Variants in GPR137C observed in about 807,000 individuals in gnomAD.
The protein encoded by GPR137C is G protein-coupled receptor 137C, also known as integral membrane protein GPR137C.
GPR137C carries 27 observed loss-of-function variants against 43.4 expected under a neutral mutation model. The ratio of observed to expected loss-of-function variants is 0.62; its 90% confidence interval spans 0.46 to 0.86. The LOEUF is 0.86. GPR137C is among the 40% of genes least tolerant of loss of function. The pLI, the probability that GPR137C is intolerant of heterozygous loss-of-function variation, is 0.00. For synonymous variants in GPR137C, 285 were observed against 226.9 expected, an observed-to-expected ratio of 1.26 and a Z score of -2.30; for missense variants, 522 against 534.6, an observed-to-expected ratio of 0.98 and a Z score of 0.23.
intron 3 of GPR137C, chr14:52,611,443 CTATT>C (rs1186678562): frequency 4.7e-6 from 1 of 213,814 alleles, no homozygotes; most frequent in East Asian, 1.8e-4. Flanking sequence ...TTTTCCTTTT[CTATT>C]TATTATACAA....
intron 3 of GPR137C, among the ~76,000 whole-genome samples, chr14:52,628,646 A>C (rs963091865): frequency 6.6e-6 from 1 of 151,946 alleles, no homozygotes; most frequent in South Asian, 2.1e-4. Flanking sequence ...AAATACAAAA[A>C]TTTGCCAGGT....
At chr14:52,564,156 T>A (rs2038329463) in intron 1 of GPR137C, among the ~76,000 whole-genome samples, 1 of 151,778 alleles carries the variant, frequency 6.6e-6, no homozygotes, top group African/African-American at 2.4e-5. Context: ...ACACCTCTAG[T>A]CTCAGCTACT....
intron 1 of GPR137C, among the ~76,000 whole-genome samples, chr14:52,577,056 G>GGTGCACAC (rs59291339): frequency 6.6e-6 from 1 of 151,110 alleles, no homozygotes; most frequent in Non-Finnish European, 1.5e-5. Context: ...CAGGCGTGGT[G>GGTGCACAC]CTGTAGTCCC....
At chr14:52,630,020 G>C (rs2039276491) in intron 3 of GPR137C, among the ~76,000 whole-genome samples, 1 of 152,092 alleles carries the variant, frequency 6.6e-6, no homozygotes, top group Admixed American at 6.5e-5. Context: ...ATTTTAGGAA[G>C]GTTTTCTTCG....
chr14:52,612,139 A>AT (rs2039045008), intron 3 of GPR137C: 1 of 983,240 alleles, frequency 1.0e-6, no homozygotes, highest in Non-Finnish European at 1.2e-6. Flanking sequence ...CTAAAAATGT[A>AT]TTTTTTCTGA....
rs148828805 is a variant in GPR137C, at chr14:52,610,831, C to T, written c.717+10490C>T. On this transcript the variant is annotated intron_variant, in intron 3 of 6. Coordinates refer to ENST00000321662, the MANE Select transcript of GPR137C (RefSeq NM_001099652.2). ...TTGAACCAATAAACATGCCCAAGTTCACATAGTTGAACCAGGATTCAAACT... is the reference window on the plus strand; with the variant it reads ...TTGAACCAATAAACATGCCCAAGTTTACATAGTTGAACCAGGATTCAAACT... Among the ~76,000 whole-genome samples the T allele has an allele frequency of 2.5e-3, 383 of 152,326 alleles. 2 individuals are homozygous for T. The highest frequency in any genetic ancestry group is 8.6e-3 in the African/African-American group (359 of 41,580).
At chr14:52,581,366 C>T (rs1326708560) in intron 1 of GPR137C, among the ~76,000 whole-genome samples, 1 of 133,642 alleles carries the variant, frequency 7.5e-6, no homozygotes, top group Non-Finnish European at 1.6e-5. Context: ...GATGCCTTCT[C>T]TACTAAAAAA....
At position 52,617,716 on chromosome 14, in the gene GPR137C, G is replaced by A. The variant is rs185961617; in HGVS notation, c.718-14444G>A. Among the ~76,000 whole-genome samples, 20 of 152,104 alleles carry A rather than the reference G, an allele frequency of 1.3e-4. No homozygotes were observed. In the East Asian group the frequency reaches 3.7e-3, roughly 28 times the overall value. Reference sequence around the variant, plus strand: ...AAACAAACAAAAAGATGGAAATTTAGGATCAGAGAGATAAGGATGTAAATC... The same window carrying A: ...AAACAAACAAAAAGATGGAAATTTAAGATCAGAGAGATAAGGATGTAAATC... On this transcript the variant is annotated intron_variant, in intron 3 of 6. Coordinates refer to ENST00000321662, the MANE Select transcript of GPR137C (RefSeq NM_001099652.2).
chr14:52,576,294 A>G (rs890689736), intron 1 of GPR137C, among the ~76,000 whole-genome samples: 3 of 152,208 alleles, frequency 2.0e-5, no homozygotes, highest in Non-Finnish European at 4.4e-5. Flanking sequence ...GTTGCAATTG[A>G]TAGAATTTCA....
intron 1 of GPR137C, 57 bp downstream of exon 1, chr14:52,553,648 C>A (rs2038136195): frequency 4.5e-6 from 6 of 1,330,076 alleles, no homozygotes; most frequent in Non-Finnish European, 6.1e-6. Flanking sequence ...CCGCCGGGAT[C>A]AACTCCCGCT....
chr14:52,619,013 C>A (rs2039130341), intron 3 of GPR137C, among the ~76,000 whole-genome samples: 1 of 152,150 alleles, frequency 6.6e-6, no homozygotes, highest in South Asian at 2.1e-4. Context: ...CAGCCATTTG[C>A]AAATAATACA....
At chr14:52,626,663 A>C (rs146765567) in intron 3 of GPR137C, among the ~76,000 whole-genome samples, 124 of 152,292 alleles carry the variant, frequency 8.1e-4, no homozygotes, top group African/African-American at 2.8e-3. Flanking sequence ...AAGGTAAACA[A>C]TGGGAATTAA....
At chr14:52,632,798 C>T (rs2039309847) in intron 4 of GPR137C, among the ~76,000 whole-genome samples, 1 of 152,018 alleles carries the variant, frequency 6.6e-6, no homozygotes, top group Non-Finnish European at 1.5e-5. Context: ...ATTCGTAGTT[C>T]CTTGGGTGTC....
At chr14:52,590,082 C>A (rs1238658962) in intron 1 of GPR137C, among the ~76,000 whole-genome samples, 1 of 152,080 alleles carries the variant, frequency 6.6e-6, no homozygotes, top group East Asian at 1.9e-4. Context: ...CAGCTCCGTG[C>A]ATGTTATTGC....
At chr14:52,594,471 T>G (rs1278977505) in intron 1 of GPR137C, among the ~76,000 whole-genome samples, 1 of 151,972 alleles carries the variant, frequency 6.6e-6, no homozygotes. Context: ...TGTAGATCTC[T>G]AAGGACTTGC....
chr14:52,611,856 G>A, intron 3 of GPR137C: 2 of 748,972 alleles, frequency 2.7e-6, no homozygotes, highest in Non-Finnish European at 3.3e-6. Flanking sequence ...AAATAATAAT[G>A]TATGGAAAGT....
chr14:52,586,500 G>A (rs2038715524), intron 1 of GPR137C, among the ~76,000 whole-genome samples: 1 of 152,034 alleles, frequency 6.6e-6, no homozygotes, highest in Non-Finnish European at 1.5e-5. Flanking sequence ...TTTTAACAAC[G>A]GCTCTACTTT....
intron 1 of GPR137C, among the ~76,000 whole-genome samples, chr14:52,590,562 T>C (rs967693411): frequency 6.6e-6 from 1 of 152,210 alleles, no homozygotes; most frequent in Non-Finnish European, 1.5e-5. Context: ...GCTGCATTCA[T>C]ATTAAGTGCC....
intron 3 of GPR137C, among the ~76,000 whole-genome samples, chr14:52,605,795 A>G (rs1175922493): frequency 1.3e-5 from 2 of 152,184 alleles, no homozygotes; most frequent in East Asian, 1.9e-4. Flanking sequence ...CATCTATTGA[A>G]ATGAACATGT....
Sources: allele counts gnomAD v4.1 joint callset (sites outside exome capture counted in the v4.1 genomes callset), GRCh38; gene constraint gnomAD v4.1.1; transcripts MANE v1.5; gene names NCBI Gene and HGNC (gene_info 2026-07-23, HGNC 2026-07-21).